The following AP2B1 variants were observed in gnomAD, a reference collection of about 807,000 sequenced individuals.
The protein encoded by AP2B1 is adaptor related protein complex 2 subunit beta 1.
Under a neutral mutation model 102.0 loss-of-function variants are expected in AP2B1, and 23 were observed. That is an observed-to-expected ratio of 0.23 (90% confidence interval 0.16 to 0.32). The LOEUF (loss-of-function observed/expected upper bound fraction) is 0.32. AP2B1 is among the 10% of genes least tolerant of loss of function. The pLI is 1.00. For missense variants in AP2B1, 541 were observed against 1,157.4 expected, an observed-to-expected ratio of 0.47 and a Z score of 7.73; for synonymous variants, 381 against 421.2, an observed-to-expected ratio of 0.90 and a Z score of 1.17.
intron 5 of AP2B1, among the ~76,000 whole-genome samples, chr17:35,616,587 G>C (rs1311359700): frequency 6.6e-6 from 1 of 152,128 alleles, no homozygotes. Context: ...TTACGTAACC[G>C]TGGTACATTT....
intron 17 of AP2B1, among the ~76,000 whole-genome samples, chr17:35,680,053 C>T (rs376919195): frequency 1.3e-5 from 2 of 151,724 alleles, no homozygotes; most frequent in African/African-American, 4.8e-5. Flanking sequence ...CAGACGCCCA[C>T]GACCACGCCC....
intron 11 of AP2B1, among the ~76,000 whole-genome samples, chr17:35,640,108 G>C (rs1377425180): frequency 6.6e-6 from 1 of 152,020 alleles, no homozygotes; most frequent in Non-Finnish European, 1.5e-5. Context: ...GTGGAGACAG[G>C]GTTTCACCAT....
chr17:35,589,613 C>T (rs903850237), intron 1 of AP2B1, among the ~76,000 whole-genome samples: 8 of 152,136 alleles, frequency 5.3e-5, no homozygotes, highest in Admixed American at 2.0e-4. Flanking sequence ...AGGCCTTCTC[C>T]GAAATGCAGT....
chr17:35,718,312 CTGTGTGTGTGTGTGTG>C (rs57852031), intron 21 of AP2B1, among the ~76,000 whole-genome samples: 356 of 139,346 alleles, frequency 2.6e-3, no homozygotes, highest in South Asian at 7.9e-3. Context: ...GTTGGAGTAG[CTGTGTGTGTGTGTGTG>C]TGTGTGTGTG....
intron 18 of AP2B1, among the ~76,000 whole-genome samples, chr17:35,692,098 TTGAA>T (rs2076053456): frequency 6.6e-6 from 1 of 152,314 alleles, no homozygotes; most frequent in East Asian, 1.9e-4. Flanking sequence ...ACTGTCTTCT[TTGAA>T]TGGCCACACA....
intron 4 of AP2B1, among the ~76,000 whole-genome samples, chr17:35,607,185 G>A (rs561004243): frequency 9.9e-5 from 15 of 152,168 alleles, no homozygotes; most frequent in South Asian, 8.3e-4. Flanking sequence ...GATTACAGGC[G>A]TGAGCCACCA....
chr17:35,627,245 CTT>C (rs569701571), intron 7 of AP2B1, 138 bp from the exon 8 acceptor site: 1,975 of 177,142 alleles, frequency 0.011, no homozygotes, highest in South Asian at 0.016. Flanking sequence ...GAAGTTTATG[CTT>C]TTTTTTTTTT....
intron 19 of AP2B1, among the ~76,000 whole-genome samples, chr17:35,709,875 T>C (rs2076413018): frequency 6.6e-6 from 1 of 152,214 alleles, no homozygotes; most frequent in South Asian, 2.1e-4. Context: ...TATTAAACTA[T>C]GTTGGCACTT....
chr17:35,682,429 G>A (rs139759640), intron 17 of AP2B1, among the ~76,000 whole-genome samples: 6,443 of 130,730 alleles, frequency 0.049, 162 homozygotes, highest in African/African-American at 0.076. Flanking sequence ...TACAACCTCC[G>A]CCTCCCGAGT....
intron 14 of AP2B1, among the ~76,000 whole-genome samples, chr17:35,665,727 TAAAAG>T (rs1437451777): frequency 2.0e-5 from 3 of 152,136 alleles, no homozygotes; most frequent in Admixed American, 1.3e-4. Context: ...AAACAGTAAA[TAAAAG>T]AGACACTAGC....
intron 10 of AP2B1, among the ~76,000 whole-genome samples, chr17:35,638,082 C>T (rs967132321): frequency 6.6e-6 from 1 of 152,128 alleles, no homozygotes; most frequent in African/African-American, 2.4e-5. Context: ...TTAAGTGATC[C>T]TCTTGCCTCA....
intron 3 of AP2B1, among the ~76,000 whole-genome samples, chr17:35,599,131 A>T (rs2073391588): frequency 6.6e-6 from 1 of 152,236 alleles, no homozygotes; most frequent in South Asian, 2.1e-4. Flanking sequence ...AACCTTTTTA[A>T]TATTGTGTTT....
At chr17:35,681,893 CAG>C (rs945456604) in intron 17 of AP2B1, among the ~76,000 whole-genome samples, 21 of 152,160 alleles carry the variant, frequency 1.4e-4, no homozygotes, top group African/African-American at 4.8e-4. Flanking sequence ...TAATGGAAAA[CAG>C]AAAATTATGA....
intron 5 of AP2B1, among the ~76,000 whole-genome samples, chr17:35,610,526 G>T (rs1017347005): frequency 1.3e-5 from 2 of 152,116 alleles, no homozygotes; most frequent in Admixed American, 6.5e-5. Flanking sequence ...ACTTTGGGAG[G>T]CTGAGGCAGA....
chr17:35,649,516 C>T (rs225281), intron 12 of AP2B1, among the ~76,000 whole-genome samples: 72,835 of 151,906 alleles, frequency 0.48, 17,530 homozygotes, highest in East Asian at 0.52. Context: ...GTGATCCTCC[C>T]GCCTCGGCTT....
intron 12 of AP2B1, among the ~76,000 whole-genome samples, chr17:35,646,787 C>T (rs952023681): frequency 4.6e-5 from 7 of 151,912 alleles, no homozygotes; most frequent in African/African-American, 1.7e-4. Context: ...TGGGATTTTG[C>T]CATCTTGGCC....
In AP2B1 at chr17:35,717,361, C is replaced by G. The variant is rs782301003; in HGVS notation, c.2781+12C>G. On this transcript the variant is annotated intron_variant, in intron 21 of 21. Coordinates refer to ENST00000610402, the MANE Select transcript of AP2B1 (RefSeq NM_001030006.2). The stretch of plus-strand genomic sequence containing the variant: ...ACCCCAATTACACGGTAAGGCCTTT[C>G]TCAGAATGGGTGAGATGGATTAGAG... The G allele has an allele frequency of 6.2e-7, 1 of 1,614,018 alleles. No individual in the cohort carries two copies. The highest frequency in any genetic ancestry group is 8.5e-7 in the Non-Finnish European group (1 of 1,179,908).
At chr17:35,662,321 TACA>T (rs2075374537) in intron 14 of AP2B1, among the ~76,000 whole-genome samples, 1 of 152,188 alleles carries the variant, frequency 6.6e-6, no homozygotes, top group Non-Finnish European at 1.5e-5. Context: ...GCTTGTACTC[TACA>T]GGTAGTTTAT....
chr17:35,701,571 T>A (rs936187089), intron 18 of AP2B1, among the ~76,000 whole-genome samples: 5 of 152,146 alleles, frequency 3.3e-5, no homozygotes, highest in African/African-American at 1.2e-4. Context: ...GGAAATACAC[T>A]AGAAAAATGT....
Sources: gnomAD v4.1 joint callset for allele counts (sites outside exome capture counted in the v4.1 genomes callset) on GRCh38, gnomAD v4.1.1 for gene constraint, MANE v1.5 for transcripts, NCBI Gene and HGNC (gene_info 2026-07-23, HGNC 2026-07-21) for gene names.